RNF157: variants seen among roughly 807,000 people sequenced by gnomAD.
The protein encoded by RNF157 is ring finger protein 157.
Under a neutral mutation model 88.3 loss-of-function variants are expected in RNF157, and 55 were observed. The ratio of observed to expected loss-of-function variants is 0.62; its 90% confidence interval spans 0.50 to 0.78. The LOEUF (loss-of-function observed/expected upper bound fraction) is 0.78, where lower values mean the gene tolerates loss of function less well. Among genes scored for constraint, RNF157 ranks in the 30% least tolerant of loss-of-function variants. RNF157 has a pLI of 0.00. For synonymous variants in RNF157, 334 were observed against 341.2 expected, an observed-to-expected ratio of 0.98 and a Z score of 0.23; for missense variants, 788 against 860.8, an observed-to-expected ratio of 0.92 and a Z score of 1.06.
At chr17:76,199,724 G>A (rs748435730) in intron 2 of RNF157, among the ~76,000 whole-genome samples, 28 of 152,134 alleles carry the variant, frequency 1.8e-4, no homozygotes, top group Non-Finnish European at 3.2e-4. Context: ...GCAGCTCGCT[G>A]GTCTCCATCC....
chr17:76,175,200 A>G lies in RNF157; in HGVS notation c.208-1410T>C, dbSNP rs890779715. ...AACATTTTTAAAGTCCATAATTTTG[A>G]TAACATTGCAGATAATAGCATACTT... is the stretch of plus-strand genomic sequence containing the variant. On this transcript the variant is annotated intron_variant, in intron 2 of 18. Coordinates refer to ENST00000269391, the MANE Select transcript of RNF157 (RefSeq NM_052916.3). Among the ~76,000 whole-genome samples, 4 of 152,160 alleles carry G rather than the reference A, an allele frequency of 2.6e-5. No homozygotes were observed. In the East Asian group the frequency reaches 5.8e-4, roughly 22 times the overall value.
intron 17 of RNF157, chr17:76,153,327 A>G (rs2068710916): frequency 6.6e-6 from 1 of 152,280 alleles, no homozygotes; most frequent in South Asian, 2.1e-4. Flanking sequence ...GAGCTGACGG[A>G]CGCAGCCTTG....
chr17:76,201,411 C>G (rs1271717243), intron 2 of RNF157, among the ~76,000 whole-genome samples: 1 of 151,760 alleles, frequency 6.6e-6, no homozygotes, highest in Non-Finnish European at 1.5e-5. Flanking sequence ...ACCAGGAAGG[C>G]TGAGGCAGGA....
In RNF157 at chr17:76,230,882, GAGAA is replaced by G. The variant is rs762073409; in HGVS notation, c.88+9267_88+9270del. On this transcript the variant is annotated intron_variant, in intron 1 of 18. Coordinates refer to ENST00000269391, the MANE Select transcript of RNF157 (RefSeq NM_052916.3). ...AAAGAGAGAGAGAGAGAGAGAGAAA[GAGAA>G]AGAGAGAAAGAGAGAGAGAGAGACT... 3.0e-3 allele frequency among the ~76,000 whole-genome samples: 312 copies of G among 105,044 alleles called. 1 individual carries two copies. Among genetic ancestry groups the G allele is most frequent in the Non-Finnish European group, 5.1e-3 (280 of 55,272 alleles). The allele number at this position is 105,044 out of a possible 152,430, so 68.9% of individuals were successfully genotyped here. A position where few individuals can be genotyped will look rare whatever the true frequency, so the allele number is the denominator to read the frequency against.
chr17:76,161,975 T>C lies in RNF157; in HGVS notation c.820A>G (p.Ser274Gly). Residue 274 changes from serine (S) to glycine (G), a missense_variant, in exon 10 of 19, where the codon AGT (serine) becomes GGT (glycine). Transcript: ENST00000269391. This position sits in a 1 kb window ranked among gnomAD's most constrained non-coding sequence, Gnocchi z 4.6. Reference sequence around the variant, plus strand: ...GAGAGACACACCACACACTCGGCACTGTTATCACTCACTTCGTCTTCAGCC... The same window carrying C: ...GAGAGACACACCACACACTCGGCACCGTTATCACTCACTTCGTCTTCAGCC... Reference protein sequence around the residue: ...KVAEDEVSDNSAECVVCLSDV... With the variant: ...KVAEDEVSDNGAECVVCLSDV... The C allele has an allele frequency of 6.2e-7, 1 of 1,614,136 alleles. No homozygotes were observed. The highest frequency in any genetic ancestry group is 1.6e-4 in the Middle Eastern group (1 of 6,062).
At chr17:76,147,255 G>A (rs997163971) in intron 18 of RNF157, 1 of 984,278 alleles carries the variant, frequency 1.0e-6, no homozygotes, top group Non-Finnish European at 1.2e-6. Context: ...TATATAATTT[G>A]GTAGATCTCA....
chr17:76,152,384 T>C lies in RNF157; in HGVS notation c.1892A>G (p.Asn631Ser). The C allele has an allele frequency of 1.2e-6, 2 of 1,612,020 alleles. No homozygotes were observed. Among genetic ancestry groups the C allele is most frequent in the Non-Finnish European group, 1.7e-6 (2 of 1,178,068 alleles). The change falls in exon 18 of 19, where the codon AAT becomes AGT. Residue 631 changes from asparagine (N) to serine (S), a missense_variant. Physicochemically the swap from Asn to Ser is conservative, Grantham distance 46. Transcript: ENST00000269391. ...FDIASVKALDNKLCSEVCLPG... is the reference protein window; with the variant it reads ...FDIASVKALDSKLCSEVCLPG... ...TAAGCAGACCTCAGAGCACAGCTTA[T>C]TGTCCAGTGCTTTCACGCTTGCGAT...
intron 13 of RNF157, among the ~76,000 whole-genome samples, chr17:76,158,119 C>A (rs558865181): frequency 2.5e-4 from 38 of 152,170 alleles, no homozygotes; most frequent in Admixed American, 1.7e-3. Flanking sequence ...TTGTGCCCCC[C>A]ACCCCAGATA....
At chr17:76,206,502 G>T (rs1464073026) in intron 2 of RNF157, among the ~76,000 whole-genome samples, 3 of 152,196 alleles carry the variant, frequency 2.0e-5, no homozygotes, top group Non-Finnish European at 4.4e-5. Flanking sequence ...ACTTAAGACA[G>T]TATTTAAAAA....
At chr17:76,166,377 G>T in intron 6 of RNF157, 84 bp downstream of exon 6, 2 of 1,129,856 alleles carry the variant, frequency 1.8e-6, no homozygotes, top group Non-Finnish European at 2.7e-6. Flanking sequence ...AAGAAGGCAT[G>T]TTGTTCTGGG....
rs756161988 is a variant in RNF157 at position 76,160,056 on chromosome 17, T to C, written c.1066-483A>G. On this transcript the variant is annotated intron_variant, in intron 11 of 18. Transcript: ENST00000269391. The surrounding 1 kb of genome is among the most constrained non-coding windows in gnomAD (Gnocchi z 4.3). ...GCTGGTCTTGAGCTCCTGGTCTCAA[T>C]TGATCCTCCCACCATGGCCTCCCAA... 2.0e-4 allele frequency among the ~76,000 whole-genome samples: 31 copies of C among 152,306 alleles called. No homozygotes were observed. The highest frequency in any genetic ancestry group is 4.1e-4 in the South Asian group (2 of 4,826).
intron 2 of RNF157, among the ~76,000 whole-genome samples, chr17:76,186,498 ACT>A (rs2069290269): frequency 6.6e-6 from 1 of 151,620 alleles, no homozygotes; most frequent in African/African-American, 2.4e-5. Flanking sequence ...CAAGAGTGAG[ACT>A]CTGTCTCAAA....
rs146163483 is a variant in RNF157, at chr17:76,155,233, T to C, written c.1764+19A>G. The C allele has an allele frequency of 6.2e-7, 1 of 1,611,898 alleles. No individual in the cohort carries two copies. The highest frequency in any genetic ancestry group is 2.2e-5 in the East Asian group (1 of 44,878). On this transcript the variant is annotated intron_variant, in intron 16 of 18. Coordinates refer to ENST00000269391, the MANE Select transcript of RNF157 (RefSeq NM_052916.3). Reference sequence around the variant, plus strand: ...TCTGGTTGTGGGAAGGGGGCACCACTCCGTGCTGTTGGGGTTACCTCTGCA... The same window carrying C: ...TCTGGTTGTGGGAAGGGGGCACCACCCCGTGCTGTTGGGGTTACCTCTGCA...
intron 1 of RNF157, among the ~76,000 whole-genome samples, chr17:76,224,767 A>T (rs901573212): frequency 1.1e-4 from 17 of 152,126 alleles, no homozygotes; most frequent in Non-Finnish European, 2.2e-4. Flanking sequence ...ATGTTTTAAG[A>T]AAGTTTACTA....
At chr17:76,197,606 G>C (rs892876151) in intron 2 of RNF157, among the ~76,000 whole-genome samples, 1 of 152,054 alleles carries the variant, frequency 6.6e-6, no homozygotes, top group African/African-American at 2.4e-5. Context: ...TCTCAATATG[G>C]TACCCAGGCT....
intron 2 of RNF157, among the ~76,000 whole-genome samples, chr17:76,211,498 AG>A (rs1417405414): frequency 4.6e-5 from 7 of 152,236 alleles, no homozygotes; most frequent in Admixed American, 4.6e-4. Context: ...ATTTCAAGGC[AG>A]TGAGGAGCAC....
At chr17:76,226,744 G>T in intron 1 of RNF157, 1 of 1,598,734 alleles carries the variant, frequency 6.3e-7, no homozygotes. Context: ...AACCCGACTG[G>T]TCGAAGGGGG....
At chr17:76,179,981 T>C (rs999091313) in intron 2 of RNF157, among the ~76,000 whole-genome samples, 6 of 152,152 alleles carry the variant, frequency 3.9e-5, no homozygotes, top group African/African-American at 1.4e-4. Context: ...AGGGAGTGCA[T>C]GGTGACAAGG....
chr17:76,210,406 C>G (rs113692487), intron 2 of RNF157, among the ~76,000 whole-genome samples: 1 of 151,330 alleles, frequency 6.6e-6, no homozygotes, highest in Non-Finnish European at 1.5e-5. Flanking sequence ...CTGGCTAACA[C>G]AGTGAAACCC....
Sources: gnomAD v4.1 joint callset for allele counts (sites outside exome capture counted in the v4.1 genomes callset) on GRCh38, gnomAD v4.1.1 for gene constraint, Gnocchi (gnomAD v3.1) non-coding constraint, MANE v1.5 for transcripts, NCBI Gene and HGNC (gene_info 2026-07-23, HGNC 2026-07-21) for gene names.